Variants in ZNF778 observed in about 807,000 individuals in gnomAD.
ZNF778 encodes zinc finger protein 778.
In ZNF778, 37 loss-of-function variants were observed where a neutral mutation model predicts 23.9. That is an observed-to-expected ratio of 1.54 (90% CI 1.19 to 2.03). ZNF778 has a LOEUF of 2.03. Among genes scored for constraint, ZNF778 ranks in the 30% most tolerant of loss-of-function variants. ZNF778 has a pLI of 0.00. For missense variants in ZNF778, 1,297 were observed against 934.4 expected (o/e 1.39, Z -5.06); for synonymous variants, 483 against 343.9 (o/e 1.40, Z -4.48).
At position 89,226,769 on chromosome 16, in the gene ZNF778, A is replaced by G. The variant is rs1798266613; in HGVS notation, c.481A>G (p.Ser161Gly). The G allele has an allele frequency of 5.6e-6, 9 of 1,614,026 alleles. No homozygotes were observed. Among genetic ancestry groups the G allele is most frequent in the Non-Finnish European group, 2.5e-6 (3 of 1,179,894 alleles). Residue 161 changes from serine to glycine, a missense_variant, in exon 7 of 7, where the codon AGC becomes GGC. Coordinates refer to ENST00000433976, the MANE Select transcript of ZNF778 (RefSeq NM_001201407.2). Reference sequence around the variant, plus strand: ...AGCTTTCAGTGAACACTCAGGCCTCAGCACACACGTGAGAACTCAAAATAC... The same window carrying G: ...AGCTTTCAGTGAACACTCAGGCCTCGGCACACACGTGAGAACTCAAAATAC... Reference protein sequence around the residue: ...GEAFSEHSGLSTHVRTQNTGD... With the variant: ...GEAFSEHSGLGTHVRTQNTGD...
rs756099316 is a variant in ZNF778, at chr16:89,227,771, C to T, written c.1483C>T (p.His495Tyr). 4 of 1,613,168 alleles carry T rather than the reference C, an allele frequency of 2.5e-6. No homozygotes were observed. Among genetic ancestry groups the T allele is most frequent in the South Asian group, 1.1e-5 (1 of 91,030 alleles). ...CACTGTTTCTTCAAGCCTGACTGAGCACGCGAGAATCCATACCGGAGAGAA... is the reference window on the plus strand; with the variant it reads ...CACTGTTTCTTCAAGCCTGACTGAGTACGCGAGAATCCATACCGGAGAGAA... ...SFTVSSSLTE[H>Y]ARIHTGEKPY... Residue 495 changes from histidine to tyrosine, a missense_variant, in exon 7 of 7, where the codon CAC (histidine) becomes TAC (tyrosine). Transcript: ENST00000433976.
rs1431184643 is a variant in ZNF778, at chr16:89,236,313, C to T, written c.*7751C>T. 6 of 152,260 alleles carry T rather than the reference C, an allele frequency of 3.9e-5. No individual in the cohort carries two copies. In the South Asian group the frequency reaches 8.3e-4, roughly 21 times the overall value. The allele number at this position is 152,260 out of a possible 1,614,324, so 9.4% of individuals were successfully genotyped here. On this transcript the variant is annotated 3_prime_UTR_variant, in exon 7 of 7. Coordinates refer to ENST00000433976, the MANE Select transcript of ZNF778 (RefSeq NM_001201407.2). ...GAACAATTCAATTGACCGGGTTTCT[C>T]GTCGGAAGCCATAGAGGCCAACAGG...
chr16:89,234,090 G>A lies in ZNF778; in HGVS notation c.*5528G>A. 7.1e-6 allele frequency: 4 copies of A among 561,760 alleles called. No individual in the cohort carries two copies. The highest frequency in any genetic ancestry group is 1.2e-5 in the Non-Finnish European group (4 of 323,832). 34.8% of individuals were successfully genotyped at this position (561,760 alleles called of 1,614,324 possible). On this transcript the variant is annotated 3_prime_UTR_variant, in exon 7 of 7. Transcript: ENST00000433976. Reference sequence around the variant, plus strand: ...CTGCAGCTCCCCTTGGGCCCTGCCTGGAGTGATGTGCCGCCTTCTCTTGAC... The same window carrying A: ...CTGCAGCTCCCCTTGGGCCCTGCCTAGAGTGATGTGCCGCCTTCTCTTGAC...
At chr16:89,222,552 C>T (rs4785619) in intron 3 of ZNF778, among the ~76,000 whole-genome samples, 121,785 of 151,876 alleles carry the variant, frequency 0.8, 51,171 homozygotes, top group Non-Finnish European at 0.92. Context: ...TTAGTAGAGA[C>T]GGGGTTTTGC....
rs1490311396 is a variant in ZNF778, at chr16:89,220,986, A to G, written c.-131-11A>G. 17 of 843,314 alleles carry G rather than the reference A, an allele frequency of 2.0e-5. No homozygotes were observed. The East Asian group carries it at 4.4e-4, about 22-fold the overall frequency. The allele number at this position is 843,314 out of a possible 1,614,324, so 52.2% of individuals were successfully genotyped here. A position where few individuals can be genotyped will look rare whatever the true frequency, so the allele number is the denominator to read the frequency against. On this transcript the variant is annotated splice_polypyrimidine_tract_variant and intron_variant, in intron 1 of 6. Coordinates refer to ENST00000433976, the MANE Select transcript of ZNF778 (RefSeq NM_001201407.2). The stretch of plus-strand genomic sequence containing the variant: ...AACTGGGAAGTAATGCTTCTTCATC[A>G]TGATTGCTAGGAAATAGGGATCCAG...
rs1481165361 is a variant in ZNF778 at position 89,227,899 on chromosome 16, C to A, written c.1611C>A (p.Asp537Glu). 1 of 1,614,048 alleles carries A rather than the reference C, an allele frequency of 6.2e-7. No homozygotes were observed. The highest frequency in any genetic ancestry group is 8.5e-7 in the Non-Finnish European group (1 of 1,179,992). ...GGGAGAAGCCCTATGAATGTAAGGACTGTGGGAAAGCCTACAATAGGGTTT... is the reference window on the plus strand; with the variant it reads ...GGGAGAAGCCCTATGAATGTAAGGAATGTGGGAAAGCCTACAATAGGGTTT... ...HTGEKPYECK[D>E]CGKAYNRVYL... Residue 537 changes from aspartate (D) to glutamate (E), a missense_variant, in exon 7 of 7, where the codon GAC becomes GAA. Transcript: ENST00000433976.
Position 89,227,309 on chromosome 16 carries a change from G to T in ZNF778, c.1021G>T (p.Glu341Ter), listed in dbSNP as rs1261281965. ...TGCAGAGAAACCCTGTGAATGTAAA[G>T]AATGCGGAAAAGCCTTCACTGGACT... ...HAAEKPCECKECGKAFTGLSG... is the reference protein window; with the variant it reads ...HAAEKPCECK Residue 341 changes from glutamate to a stop codon, truncating the protein, a stop_gained, in exon 7 of 7, where the codon GAA (glutamate) becomes TAA (stop). Transcript: ENST00000433976. LOFTEE classifies it low-confidence loss of function (END_TRUNC). 6.2e-7 allele frequency: 1 copy of T among 1,613,908 alleles called. No homozygotes were observed. The highest frequency in any genetic ancestry group is 8.5e-7 in the Non-Finnish European group (1 of 1,179,832).
At position 89,227,258 on chromosome 16, in the gene ZNF778, C is replaced by T; in HGVS notation, c.970C>T (p.Leu324=). 1.2e-6 allele frequency: 2 copies of T among 1,613,990 alleles called. No homozygotes were observed. Among genetic ancestry groups the T allele is most frequent in the Non-Finnish European group, 1.7e-6 (2 of 1,179,880 alleles). The change falls in exon 7 of 7, where the codon CTA becomes TTA. Residue 324 remains leucine (L), a synonymous_variant. Transcript: ENST00000433976. The stretch of plus-strand genomic sequence containing the variant: ...AAAAGCCTCCCCTGTTTCTTCCAGC[C>T]TAACTCAACATGTAAGAATTCATGC... ...CGKASPVSSS[L]TQHVRIHAAE...
At position 89,221,190 on chromosome 16, in the gene ZNF778, CT is replaced by C. The variant is rs773188164; in HGVS notation, c.25+39del. 62 of 1,487,034 alleles carry C rather than the reference CT, an allele frequency of 4.2e-5. 3 individuals are homozygous for C. In the South Asian group the frequency reaches 7.3e-4, roughly 18 times the overall value. The allele number at this position is 1,487,034 out of a possible 1,614,324, so 92.1% of individuals were successfully genotyped here. On this transcript the variant is annotated intron_variant, in intron 2 of 6. Transcript: ENST00000433976. ...GGGGCTCCTTCTCAGAGCCTCTGCT[CT>C]AGGTCCTGATACACAGTGTGTGTAT...
In ZNF778 at chr16:89,226,459, C is replaced by T. The variant is rs1232482163; in HGVS notation, c.406-235C>T. 2.0e-5 allele frequency among the ~76,000 whole-genome samples: 3 copies of T among 152,208 alleles called. 1 individual carries two copies. The East Asian group carries it at 5.8e-4, about 29-fold the overall frequency. Reference sequence around the variant, plus strand: ...ACCTCAGGTGATCTGCCCGCCTCGGCCTCCCAAAGTTCTGGGATTACAGGC... The same window carrying T: ...ACCTCAGGTGATCTGCCCGCCTCGGTCTCCCAAAGTTCTGGGATTACAGGC... On this transcript the variant is annotated intron_variant, in intron 6 of 6. Coordinates refer to ENST00000433976, the MANE Select transcript of ZNF778 (RefSeq NM_001201407.2).
chr16:89,235,024 T>C lies in ZNF778; in HGVS notation c.*6462T>C, dbSNP rs2032198533. The C allele has an allele frequency of 6.6e-6, 1 of 152,248 alleles. No homozygotes were observed. Among genetic ancestry groups the C allele is most frequent in the Admixed American group, 6.5e-5 (1 of 15,290 alleles). 9.4% of individuals were successfully genotyped at this position (152,248 alleles called of 1,614,324 possible). On this transcript the variant is annotated 3_prime_UTR_variant, in exon 7 of 7. Coordinates refer to ENST00000433976, the MANE Select transcript of ZNF778 (RefSeq NM_001201407.2). ...TCCTAAGGCCTTAAATATGCTGTAC[T>C]ATTTTGGCTTCCACAGTTTCTATGT...
chr16:89,224,898 G>C (rs2031328032), intron 5 of ZNF778, 96 bp downstream of exon 5: 1 of 934,088 alleles, frequency 1.1e-6, no homozygotes, highest in Non-Finnish European at 1.7e-6. Context: ...ATTGTGTCAA[G>C]TTAAGCGGCT....
rs200310194 is a variant in ZNF778, at chr16:89,227,773, C to T, written c.1485C>T (p.His495=). Reference sequence around the variant, plus strand: ...CTGTTTCTTCAAGCCTGACTGAGCACGCGAGAATCCATACCGGAGAGAAAC... The same window carrying T: ...CTGTTTCTTCAAGCCTGACTGAGCATGCGAGAATCCATACCGGAGAGAAAC... ...SFTVSSSLTE[H]ARIHTGEKPY... Residue 495 remains histidine (H), a synonymous_variant, in exon 7 of 7, where the codon CAC becomes CAT. Transcript: ENST00000433976. 69 of 1,613,094 alleles carry T rather than the reference C, an allele frequency of 4.3e-5. No homozygotes were observed. Among genetic ancestry groups the T allele is most frequent in the African/African-American group, 1.9e-4 (14 of 74,938 alleles).
rs1054869793 is a variant in ZNF778 at position 89,227,569 on chromosome 16, G to A, written c.1281G>A (p.Gly427=). ...GIKPYTCSYC[G]KAFTVRCGLT... ...AACCCTATACATGCAGCTACTGTGG[G>A]AAGGCCTTCACTGTGCGCTGTGGCC... Residue 427 remains glycine, a synonymous_variant, in exon 7 of 7, where the codon GGG becomes GGA. Coordinates refer to ENST00000433976, the MANE Select transcript of ZNF778 (RefSeq NM_001201407.2). 1.9e-6 allele frequency: 3 copies of A among 1,614,032 alleles called. No homozygotes were observed. Among genetic ancestry groups the A allele is most frequent in the African/African-American group, 2.7e-5 (2 of 74,910 alleles).
In ZNF778 at chr16:89,229,282, C is replaced by T. The variant is rs892684191; in HGVS notation, c.*720C>T. 1 of 985,068 alleles carries T rather than the reference C, an allele frequency of 1.0e-6. No homozygotes were observed. Among genetic ancestry groups the T allele is most frequent in the African/African-American group, 1.8e-5 (1 of 57,040 alleles). 61.0% of individuals were successfully genotyped at this position (985,068 alleles called of 1,614,324 possible). On this transcript the variant is annotated 3_prime_UTR_variant, in exon 7 of 7. Transcript: ENST00000433976. ...GCAGCGTAGGCTCTGGTTGGTTAGTCTTGAGGATCCAGATGTGATTCTGTG... is the reference window on the plus strand; with the variant it reads ...GCAGCGTAGGCTCTGGTTGGTTAGTTTTGAGGATCCAGATGTGATTCTGTG...
chr16:89,236,728 A>G lies in ZNF778; in HGVS notation c.*8166A>G, dbSNP rs1475077469. On this transcript the variant is annotated 3_prime_UTR_variant, in exon 7 of 7. Transcript: ENST00000433976. ...TTCCGTGCTCCATTTCAGTGGCAAA[A>G]TACCATTCCAGAAGGACTGGAAAAG... 6.6e-6 allele frequency: 1 copy of G among 152,212 alleles called. No individual in the cohort carries two copies. The highest frequency in any genetic ancestry group is 2.4e-5 in the African/African-American group (1 of 41,434). The allele number at this position is 152,212 out of a possible 1,614,324, so 9.4% of individuals were successfully genotyped here.
At position 89,226,210 on chromosome 16, in the gene ZNF778, G is replaced by A. The variant is rs142547528; in HGVS notation, c.406-484G>A. ...CAGGCGTGAGCCACTGTGCCTGGCC[G>A]ATTCTTTTTTTTGACATGGAGTTTT... On this transcript the variant is annotated intron_variant, in intron 6 of 6. Transcript: ENST00000433976. Among the ~76,000 whole-genome samples the A allele has an allele frequency of 7.5e-4, 114 of 151,408 alleles. 2 individuals are homozygous for A. In the East Asian group the frequency reaches 0.016, roughly 21 times the overall value.
chr16:89,221,346 CCTT>C (rs2030920703), intron 2 of ZNF778, among the ~76,000 whole-genome samples, 194 bp downstream of exon 2: 1 of 152,160 alleles, frequency 6.6e-6, no homozygotes, highest in Non-Finnish European at 1.5e-5. Context: ...TGTGTAAACT[CCTT>C]CATGAGTTTT....
chr16:89,227,589 G>A lies in ZNF778; in HGVS notation c.1301G>A (p.Cys434Tyr), dbSNP rs762026727. 1.1e-5 allele frequency: 18 copies of A among 1,613,970 alleles called. No individual in the cohort carries two copies. In the Admixed American group the frequency reaches 2.7e-4, roughly 24 times the overall value. The change falls in exon 7 of 7, where the codon TGT (cysteine) becomes TAT (tyrosine). Residue 434 changes from cysteine to tyrosine, a missense_variant. Cys to Tyr is a radical substitution (Grantham distance 194). Coordinates refer to ENST00000433976, the MANE Select transcript of ZNF778 (RefSeq NM_001201407.2). ...TGTGGGAAGGCCTTCACTGTGCGCT[G>A]TGGCCTTACTAGACACGTACGAACA... ...SYCGKAFTVR[C>Y]GLTRHVRTHT...
Sources: allele counts gnomAD v4.1 joint callset (sites outside exome capture counted in the v4.1 genomes callset), GRCh38; gene constraint gnomAD v4.1.1; transcripts MANE v1.5; gene names NCBI Gene and HGNC (gene_info 2026-07-23, HGNC 2026-07-21).